Variants in LY75 observed in about 807,000 individuals in gnomAD.
LY75 encodes the protein C-type lectin domain family 13 member B.
In LY75, 185 loss-of-function variants were observed where a neutral mutation model predicts 231.7. That is an observed-to-expected ratio of 0.80 (90% CI 0.71 to 0.90). The LOEUF (loss-of-function observed/expected upper bound fraction) is 0.90. LY75 is among the 40% of genes least tolerant of loss of function. The pLI, the probability that LY75 is intolerant of heterozygous loss-of-function variation, is 0.00. For synonymous variants in LY75, 668 were observed against 689.0 expected (o/e 0.97, Z 0.48); for missense variants, 1,947 against 2,050.2 (o/e 0.95, Z 0.97).
chr2:159,888,803 C>T (rs1685668537), intron 4 of LY75, among the ~76,000 whole-genome samples: 1 of 152,186 alleles, frequency 6.6e-6, no homozygotes, highest in Non-Finnish European at 1.5e-5. Flanking sequence ...CAAACTGACT[C>T]TTCAAATTTA....
chr2:159,819,234 A>G (rs1683212406), intron 29 of LY75, among the ~76,000 whole-genome samples: 1 of 152,216 alleles, frequency 6.6e-6, no homozygotes, highest in African/African-American at 2.4e-5. Flanking sequence ...CTGTGAAAAA[A>G]TTAAAACTAA....
chr2:159,890,116 G>A, intron 4 of LY75, 97 bp downstream of exon 4: 1 of 1,481,724 alleles, frequency 6.7e-7, no homozygotes, highest in Non-Finnish European at 9.0e-7. Flanking sequence ...GGTCAGAAAA[G>A]TTACATACAA....
At chr2:159,881,424 G>T (rs1172535433) in intron 7 of LY75, among the ~76,000 whole-genome samples, 184 bp from the exon 8 acceptor site, 2 of 152,164 alleles carry the variant, frequency 1.3e-5, no homozygotes, top group African/African-American at 4.8e-5. Context: ...AGTAACTTAT[G>T]CAAGTAAAGT....
At chr2:159,838,248 C>A (rs1455042268) in intron 25 of LY75, among the ~76,000 whole-genome samples, 1 of 152,122 alleles carries the variant, frequency 6.6e-6, no homozygotes, top group Non-Finnish European at 1.5e-5. Context: ...TTATTAACAT[C>A]CTGTCATTTT....
intron 23 of LY75, among the ~76,000 whole-genome samples, chr2:159,844,323 TAA>T (rs66740962): frequency 0.43 from 57,499 of 133,444 alleles, 12,199 homozygotes; most frequent in Admixed American, 0.52. Context: ...GGCCTAATGG[TAA>T]AAAAAAAAAA....
intron 14 of LY75, among the ~76,000 whole-genome samples, chr2:159,861,579 C>A (rs1303423442): frequency 2.6e-5 from 4 of 151,816 alleles, no homozygotes; most frequent in African/African-American, 9.7e-5. Context: ...GAAACCCCAT[C>A]TCTACAAAAA....
intron 28 of LY75, among the ~76,000 whole-genome samples, chr2:159,830,217 G>A (rs1406978492): frequency 6.6e-6 from 1 of 152,148 alleles, no homozygotes; most frequent in Non-Finnish European, 1.5e-5. Context: ...CCAAGAAACA[G>A]ATGGGTTAGA....
intron 2 of LY75, among the ~76,000 whole-genome samples, chr2:159,897,619 A>G (rs1574603548): frequency 6.6e-6 from 1 of 152,344 alleles, no homozygotes; most frequent in East Asian, 1.9e-4. Flanking sequence ...GCAAGCTGCT[A>G]TAGTGACTTT....
At chr2:159,837,421 T>C (rs967057825) in intron 25 of LY75, among the ~76,000 whole-genome samples, 1 of 152,202 alleles carries the variant, frequency 6.6e-6, no homozygotes, top group African/African-American at 2.4e-5. Context: ...TTCTCACTTA[T>C]ATAAGTGGGA....
chr2:159,808,344 G>A, intron 33 of LY75, 105 bp downstream of exon 33: 1 of 1,570,578 alleles, frequency 6.4e-7, no homozygotes, highest in Non-Finnish European at 8.7e-7. Flanking sequence ...TCCAGAAGAG[G>A]CATCTGAATT....
chr2:159,816,870 AG>A lies in LY75; in HGVS notation c.4315del (p.Leu1439SerfsTer7). On this transcript the variant is annotated frameshift_variant, in exon 30 of 35. Transcript: ENST00000263636. LOFTEE classifies it high-confidence loss of function. ...ACGTTTTACAATATCTTCCAGAAAG[AG>A]CTGGCCATTTTGGTTGTGAACGCTT... ...LASVHNQNGQ[L>X]FLEDIVKRDG... is the part of the protein sequence containing the mutation. 6.2e-7 allele frequency: 1 copy of A among 1,614,220 alleles called. No homozygotes were observed. The highest frequency in any genetic ancestry group is 1.6e-4 in the Middle Eastern group (1 of 6,062).
intron 23 of LY75, among the ~76,000 whole-genome samples, chr2:159,844,323 TA>T (rs66740962): frequency 0.35 from 46,311 of 133,088 alleles, 8,315 homozygotes; most frequent in African/African-American, 0.44. Context: ...GGCCTAATGG[TA>T]AAAAAAAAAA....
chr2:159,869,889 A>G (rs1379134579), intron 13 of LY75, among the ~76,000 whole-genome samples: 1 of 152,140 alleles, frequency 6.6e-6, no homozygotes, highest in African/African-American at 2.4e-5. Context: ...ATCTATTCTC[A>G]AGGTTGAGGG....
At chr2:159,882,932 T>G (rs1685479129) in intron 6 of LY75, among the ~76,000 whole-genome samples, 1 of 152,224 alleles carries the variant, frequency 6.6e-6, no homozygotes, top group South Asian at 2.1e-4. Context: ...GATTCTGTTT[T>G]GACCATGAGA....
chr2:159,896,980 G>A (rs769492209), intron 2 of LY75, among the ~76,000 whole-genome samples: 8 of 152,088 alleles, frequency 5.3e-5, no homozygotes, highest in Non-Finnish European at 1.2e-4. Flanking sequence ...GGGTTATGCT[G>A]GTGGCATTGC....
chr2:159,867,231 G>C (rs1244407106), intron 13 of LY75, among the ~76,000 whole-genome samples: 1 of 152,142 alleles, frequency 6.6e-6, no homozygotes. Context: ...GAACTCACTA[G>C]CATGTCATAA....
In LY75 at chr2:159,850,030, T is replaced by C; in HGVS notation, c.3100A>G (p.Ser1034Gly). The change falls in exon 23 of 35, where the codon AGT becomes GGT. Residue 1034 changes from serine to glycine, a missense_variant. Physicochemically the swap from Ser to Gly is moderately conservative, Grantham distance 56. Transcript: ENST00000263636. Reference protein sequence around the residue: ...KWTDNRELTYSNFHPLLVSGR... With the variant: ...KWTDNRELTYGNFHPLLVSGR... ...CTAACCAATAATGGGTGAAAGTTACTGTACGTCAGCTCTCTGTTATCTGTC... is the reference window on the plus strand; with the variant it reads ...CTAACCAATAATGGGTGAAAGTTACCGTACGTCAGCTCTCTGTTATCTGTC... The C allele has an allele frequency of 1.9e-6, 3 of 1,614,028 alleles. No individual in the cohort carries two copies. The highest frequency in any genetic ancestry group is 2.5e-6 in the Non-Finnish European group (3 of 1,179,930).
intron 11 of LY75, among the ~76,000 whole-genome samples, chr2:159,877,873 C>A (rs1685322659): frequency 6.6e-6 from 1 of 151,838 alleles, no homozygotes; most frequent in Non-Finnish European, 1.5e-5. Context: ...CATCTCAAAA[C>A]AAAAACAAAA....
intron 2 of LY75, 74 bp from the exon 3 acceptor site, chr2:159,894,158 A>G: frequency 6.7e-7 from 1 of 1,495,080 alleles, no homozygotes; most frequent in Middle Eastern, 1.8e-4. Flanking sequence ...AATTTCTAAA[A>G]CTGTTTTTAA....
Sources: allele counts gnomAD v4.1 joint callset (sites outside exome capture counted in the v4.1 genomes callset), GRCh38; gene constraint gnomAD v4.1.1; transcripts MANE v1.5; gene names NCBI Gene and HGNC (gene_info 2026-07-23, HGNC 2026-07-21).